IBTK: variants seen among roughly 807,000 people sequenced by gnomAD.
The protein encoded by IBTK is BTK-binding protein.
In IBTK, 83 loss-of-function variants were observed where a neutral mutation model predicts 154.9. The ratio of observed to expected loss-of-function variants is 0.54; its 90% CI spans 0.45 to 0.64. The LOEUF is 0.64. Ranked by LOEUF, IBTK falls within the 30% of genes least tolerant of loss-of-function variation. IBTK has a pLI of 0.00. For synonymous variants in IBTK, 515 were observed against 536.1 expected (o/e 0.96, Z 0.54); for missense variants, 1,332 against 1,584.6 (o/e 0.84, Z 2.71).
intron 28 of IBTK, 115 bp from the exon 29 acceptor site, chr6:82,171,671 G>T: frequency 1.2e-6 from 1 of 840,100 alleles, no homozygotes; most frequent in Non-Finnish European, 1.9e-6. Context: ...ATACAATACA[G>T]TGAAATTAAA....
chr6:82,194,314 A>T (rs561870005), intron 23 of IBTK, among the ~76,000 whole-genome samples, 165 bp downstream of exon 23: 21 of 152,268 alleles, frequency 1.4e-4, no homozygotes, highest in East Asian at 7.7e-4. Context: ...TTGGGGGGGA[A>T]GCCTATTATA....
At chr6:82,210,641 A>AT (rs1333172162) in intron 16 of IBTK, among the ~76,000 whole-genome samples, 173 bp downstream of exon 16, 1 of 152,110 alleles carries the variant, frequency 6.6e-6, no homozygotes, top group East Asian at 1.9e-4. Context: ...CCTGGGCAAC[A>AT]TAGTAAGACC....
intron 7 of IBTK, 44 bp downstream of exon 7, chr6:82,224,024 G>T (rs765353664): frequency 2.0e-6 from 2 of 1,001,436 alleles, no homozygotes; most frequent in Non-Finnish European, 3.1e-6. Context: ...ATTTTTTAAA[G>T]AGTCCAATTT....
chr6:82,245,339 A>G (rs2127832095), intron 1 of IBTK, among the ~76,000 whole-genome samples: 1 of 152,200 alleles, frequency 6.6e-6, no homozygotes, highest in East Asian at 1.9e-4. Flanking sequence ...CAGGCAAATC[A>G]CTTGAGCCCA....
At chr6:82,187,990 G>A (rs1768616847) in intron 25 of IBTK, among the ~76,000 whole-genome samples, 1 of 152,046 alleles carries the variant, frequency 6.6e-6, no homozygotes, top group African/African-American at 2.4e-5. Flanking sequence ...CAGAATGCTA[G>A]CAACAAAATG....
intron 26 of IBTK, among the ~76,000 whole-genome samples, chr6:82,177,702 C>T (rs981036699): frequency 6.6e-6 from 1 of 152,154 alleles, no homozygotes; most frequent in African/African-American, 2.4e-5. Flanking sequence ...GCATGAGCCA[C>T]CACGCCCGGC....
chr6:82,242,929 C>T (rs1229026233), intron 1 of IBTK, among the ~76,000 whole-genome samples: 1 of 147,744 alleles, frequency 6.8e-6, no homozygotes, highest in Non-Finnish European at 1.5e-5. Context: ...AAGCAAGACT[C>T]TGTCTCAAAA....
At chr6:82,224,751 CA>C (rs1317975763) in intron 6 of IBTK, among the ~76,000 whole-genome samples, 1 of 152,126 alleles carries the variant, frequency 6.6e-6, no homozygotes, top group African/African-American at 2.4e-5. Flanking sequence ...TTTACTGAAG[CA>C]AATAAAACTT....
chr6:82,235,314 T>C (rs1225030448), intron 2 of IBTK, among the ~76,000 whole-genome samples: 3 of 152,060 alleles, frequency 2.0e-5, no homozygotes, highest in African/African-American at 4.8e-5. Flanking sequence ...AGCCACACTC[T>C]GCCGGGCGCA....
chr6:82,192,873 G>A (rs1393756665), intron 23 of IBTK, among the ~76,000 whole-genome samples: 1 of 152,048 alleles, frequency 6.6e-6, no homozygotes, highest in African/African-American at 2.4e-5. Flanking sequence ...GCCGAGGTGG[G>A]CGGATCACAA....
At chr6:82,188,503 G>C (rs1417579814) in intron 25 of IBTK, among the ~76,000 whole-genome samples, 1 of 152,086 alleles carries the variant, frequency 6.6e-6, no homozygotes, top group African/African-American at 2.4e-5. Flanking sequence ...AATAAATTAT[G>C]AACATTCTTA....
chr6:82,212,295 A>G (rs1317345168), intron 13 of IBTK, among the ~76,000 whole-genome samples: 1 of 152,146 alleles, frequency 6.6e-6, no homozygotes, highest in Non-Finnish European at 1.5e-5. Flanking sequence ...CCTAAAAACA[A>G]AACTTTTTAA....
chr6:82,209,571 G>C (rs947113629), intron 16 of IBTK, among the ~76,000 whole-genome samples: 1 of 152,188 alleles, frequency 6.6e-6, no homozygotes, highest in East Asian at 1.9e-4. Context: ...ATAAGAGAGA[G>C]TGGGAAGTGT....
chr6:82,247,475 C>T, intron 1 of IBTK, 87 bp downstream of exon 1: 1 of 398,120 alleles, frequency 2.5e-6, no homozygotes, highest in Non-Finnish European at 4.4e-6. Context: ...GCCACCCGCA[C>T]CCTCCAGAAG....
intron 27 of IBTK, chr6:82,172,847 G>A (rs1767976712): frequency 4.3e-6 from 1 of 232,750 alleles, no homozygotes; most frequent in Non-Finnish European, 8.3e-6. Flanking sequence ...CAGTATTAGA[G>A]AGAAAATTTT....
intron 23 of IBTK, among the ~76,000 whole-genome samples, chr6:82,193,095 C>CAA (rs1340087241): frequency 3.5e-4 from 38 of 107,690 alleles, no homozygotes; most frequent in African/African-American, 1.1e-3. Flanking sequence ...AAGACTGTCT[C>CAA]AAAAAAAAAA....
At chr6:82,243,023 C>T (rs1266117457) in intron 1 of IBTK, among the ~76,000 whole-genome samples, 2 of 151,978 alleles carry the variant, frequency 1.3e-5, no homozygotes, top group Non-Finnish European at 2.9e-5. Flanking sequence ...AGGCGAATCA[C>T]GAGGTCAGGA....
At chr6:82,178,638 T>C (rs1178887145) in intron 26 of IBTK, among the ~76,000 whole-genome samples, 1 of 152,178 alleles carries the variant, frequency 6.6e-6, no homozygotes, top group African/African-American at 2.4e-5. Flanking sequence ...ATTGAACATA[T>C]AATTAAACAT....
chr6:82,172,018 G>C (rs1194085169), intron 28 of IBTK, among the ~76,000 whole-genome samples: 5 of 152,016 alleles, frequency 3.3e-5, no homozygotes, highest in Non-Finnish European at 7.4e-5. Context: ...CCTTAAGTTA[G>C]CCAGAGTGGG....
Sources: allele counts gnomAD v4.1 joint callset (sites outside exome capture counted in the v4.1 genomes callset), GRCh38; gene constraint gnomAD v4.1.1; transcripts MANE v1.5; gene names NCBI Gene and HGNC (gene_info 2026-07-23, HGNC 2026-07-21).